Variants in ST6GAL1 observed in about 807,000 individuals in gnomAD.
ST6GAL1 encodes ST6 beta-galactoside alpha-2,6-sialyltransferase 1.
ST6GAL1 carries 20 observed loss-of-function variants against 38.0 expected under a neutral mutation model. The observed-to-expected ratio is 0.53, with a 90% CI of 0.37 to 0.77. The LOEUF (loss-of-function observed/expected upper bound fraction) is 0.77, where lower values mean the gene tolerates loss of function less well. Among genes scored for constraint, ST6GAL1 ranks in the 30% least tolerant of loss-of-function variants. The pLI is 0.00. For synonymous variants in ST6GAL1, 196 were observed against 188.2 expected (o/e 1.04, Z -0.34); for missense variants, 432 against 496.4 (o/e 0.87, Z 1.23).
At chr3:187,036,224 T>C (rs927069355) in intron 2 of ST6GAL1, among the ~76,000 whole-genome samples, 17 of 152,136 alleles carry the variant, frequency 1.1e-4, no homozygotes, top group Admixed American at 2.0e-4. Flanking sequence ...TCAGTCAGAA[T>C]GGCTATTATT....
chr3:187,030,049 T>A (rs1579338027), intron 2 of ST6GAL1, among the ~76,000 whole-genome samples: 1 of 152,246 alleles, frequency 6.6e-6, no homozygotes, highest in South Asian at 2.1e-4. Flanking sequence ...GTGGCCGTGG[T>A]CACAATCACT....
chr3:186,931,308 G>A (rs1385124524), intron 1 of ST6GAL1: 3 of 152,314 alleles, frequency 2.0e-5, no homozygotes, highest in Non-Finnish European at 4.4e-5. Context: ...GCCGCCCTGC[G>A]GTGCCGGGCC....
At chr3:187,013,520 T>C (rs1471308692) in intron 2 of ST6GAL1, among the ~76,000 whole-genome samples, 1 of 152,208 alleles carries the variant, frequency 6.6e-6, no homozygotes, top group Non-Finnish European at 1.5e-5. Flanking sequence ...GGTCCCACGT[T>C]CCTATTCTCT....
intron 1 of ST6GAL1, among the ~76,000 whole-genome samples, chr3:186,953,774 CA>C (rs1467905853): frequency 1.3e-5 from 2 of 151,394 alleles, no homozygotes; most frequent in African/African-American, 4.9e-5. Flanking sequence ...TGGAATAACC[CA>C]AAATTTATAC....
intron 2 of ST6GAL1, among the ~76,000 whole-genome samples, chr3:187,036,827 C>G (rs183350672): frequency 5.3e-4 from 80 of 152,280 alleles, no homozygotes; most frequent in South Asian, 4.3e-3. Flanking sequence ...TACCCCAAGC[C>G]TCAGCATTGT....
intron 1 of ST6GAL1, among the ~76,000 whole-genome samples, chr3:186,960,988 T>A (rs1579273397): frequency 6.8e-6 from 1 of 146,832 alleles, no homozygotes; most frequent in Non-Finnish European, 1.5e-5. Flanking sequence ...TTTTTTTTTT[T>A]AGATAGAGTC....
chr3:186,977,639 A>G (rs1715563537), intron 2 of ST6GAL1, among the ~76,000 whole-genome samples: 1 of 152,172 alleles, frequency 6.6e-6, no homozygotes, highest in Admixed American at 6.5e-5. Flanking sequence ...GATCAGTCTC[A>G]CGCAGGAGAC....
At chr3:186,966,213 A>T (rs1266326725) in intron 2 of ST6GAL1, among the ~76,000 whole-genome samples, 1 of 152,122 alleles carries the variant, frequency 6.6e-6, no homozygotes, top group Non-Finnish European at 1.5e-5. Flanking sequence ...CTGAGATCTT[A>T]TTCTGAGAAT....
chr3:186,961,292 T>G (rs999557436), intron 1 of ST6GAL1, among the ~76,000 whole-genome samples: 2 of 152,178 alleles, frequency 1.3e-5, no homozygotes, highest in Non-Finnish European at 2.9e-5. Context: ...CTTGATCTTG[T>G]GCATGGCATT....
intron 2 of ST6GAL1, among the ~76,000 whole-genome samples, chr3:187,009,222 T>C (rs945558804): frequency 6.6e-6 from 1 of 152,072 alleles, no homozygotes; most frequent in African/African-American, 2.4e-5. Flanking sequence ...TGTTAAAAAG[T>C]CAATAATTAA....
intron 3 of ST6GAL1, 103 bp from the exon 4 acceptor site, chr3:187,042,551 A>C (rs1465856496): frequency 8.9e-7 from 1 of 1,126,534 alleles, no homozygotes; most frequent in Non-Finnish European, 1.3e-6. Context: ...GCTGGAATTC[A>C]AGTCACCTCA....
At chr3:187,065,078 C>T (rs547040779) in intron 5 of ST6GAL1, among the ~76,000 whole-genome samples, 42 of 151,570 alleles carry the variant, frequency 2.8e-4, no homozygotes, top group Admixed American at 1.6e-3. Flanking sequence ...TCTCGGCTCC[C>T]TGCTCTGCCT....
In ST6GAL1 at chr3:187,042,638, G is replaced by T. The variant is rs1279670314; in HGVS notation, c.-50-16G>T. The T allele has an allele frequency of 2.0e-6, 3 of 1,530,668 alleles. No individual in the cohort carries two copies. The highest frequency in any genetic ancestry group is 2.6e-6 in the Non-Finnish European group (3 of 1,144,260). 94.8% of individuals were successfully genotyped at this position (1,530,668 alleles called of 1,614,324 possible). A position where few individuals can be genotyped will look rare whatever the true frequency, so the allele number is the denominator to read the frequency against. On this transcript the variant is annotated splice_polypyrimidine_tract_variant and intron_variant, in intron 3 of 7. Coordinates refer to ENST00000169298, the MANE Select transcript of ST6GAL1 (RefSeq NM_173216.2). ...TTCTTTACATCATTTGTTTTTCCTT[G>T]TCTCACTTTTTTTAGGCTTGTTTTC... is the stretch of plus-strand genomic sequence containing the variant.
At chr3:187,022,615 C>G (rs1717369075) in intron 2 of ST6GAL1, among the ~76,000 whole-genome samples, 1 of 152,096 alleles carries the variant, frequency 6.6e-6, no homozygotes, top group Admixed American at 6.5e-5. Flanking sequence ...GTTAGAATCT[C>G]TCCTAGATCT....
At chr3:187,005,764 G>T (rs1216163729) in intron 2 of ST6GAL1, among the ~76,000 whole-genome samples, 2 of 152,108 alleles carry the variant, frequency 1.3e-5, no homozygotes, top group Non-Finnish European at 2.9e-5. Context: ...AAAAACACTG[G>T]TGTATCGAGG....
intron 4 of ST6GAL1, among the ~76,000 whole-genome samples, chr3:187,049,499 C>T (rs930409868): frequency 7.9e-5 from 12 of 152,132 alleles, no homozygotes; most frequent in Non-Finnish European, 1.5e-4. Flanking sequence ...CCTTCTTGCC[C>T]GGAGGTTGGC....
intron 2 of ST6GAL1, among the ~76,000 whole-genome samples, chr3:186,974,012 G>A (rs899756453): frequency 6.6e-6 from 1 of 152,168 alleles, no homozygotes; most frequent in Non-Finnish European, 1.5e-5. Context: ...GAATTGTGGG[G>A]GTTGCTGTGG....
chr3:186,933,131 C>T (rs772890113), intron 1 of ST6GAL1, among the ~76,000 whole-genome samples: 2 of 152,218 alleles, frequency 1.3e-5, no homozygotes, highest in Non-Finnish European at 2.9e-5. Context: ...TCCTACATTT[C>T]GCCTGTTTTA....
intron 2 of ST6GAL1, among the ~76,000 whole-genome samples, chr3:186,985,961 G>A (rs1262818743): frequency 6.6e-6 from 1 of 152,122 alleles, no homozygotes; most frequent in African/African-American, 2.4e-5. Flanking sequence ...TTAGTGGGAG[G>A]GAGTTTGAAA....
Sources: allele counts gnomAD v4.1 joint callset (sites outside exome capture counted in the v4.1 genomes callset), GRCh38; gene constraint gnomAD v4.1.1; transcripts MANE v1.5; gene names NCBI Gene and HGNC (gene_info 2026-07-23, HGNC 2026-07-21).